NRXN3: variants seen among roughly 807,000 people sequenced by gnomAD.
NRXN3 encodes the protein neurexin 3.
In NRXN3, 32 loss-of-function variants were observed where a neutral mutation model predicts 137.6. That is an observed-to-expected ratio of 0.23 (90% CI 0.18 to 0.31). The LOEUF is 0.31. Among genes scored for constraint, NRXN3 ranks in the 10% least tolerant of loss-of-function variants. The pLI is 1.00. For synonymous variants in NRXN3, 798 were observed against 784.5 expected (o/e 1.02, Z -0.29); for missense variants, 1,574 against 2,062.5 (o/e 0.76, Z 4.59).
intron 17 of NRXN3, among the ~76,000 whole-genome samples, chr14:79,666,265 G>A (rs980112041): frequency 2.0e-5 from 3 of 152,036 alleles, no homozygotes; most frequent in Non-Finnish European, 4.4e-5. Flanking sequence ...TCTTCTCCCT[G>A]AGACTGTTTC....
intron 1 of NRXN3, among the ~76,000 whole-genome samples, chr14:78,176,378 GT>G (rs35762018): frequency 0.31 from 43,940 of 140,006 alleles, 6,625 homozygotes; most frequent in Middle Eastern, 0.41. Flanking sequence ...TCTCTTCCAA[GT>G]TTTTTTTTTT....
intron 10 of NRXN3, among the ~76,000 whole-genome samples, chr14:78,843,400 A>G (rs1409367672): frequency 1.3e-5 from 2 of 152,130 alleles, no homozygotes; most frequent in East Asian, 3.9e-4. Context: ...AGGCTTAATG[A>G]CTTTGGCTCC....
intron 15 of NRXN3, among the ~76,000 whole-genome samples, chr14:79,299,959 T>G (rs1259669874): frequency 6.6e-6 from 1 of 152,116 alleles, no homozygotes; most frequent in Non-Finnish European, 1.5e-5. Flanking sequence ...TAAGACATTG[T>G]GCAGTATATT....
chr14:78,640,638 G>A (rs1244351904), intron 4 of NRXN3, among the ~76,000 whole-genome samples: 2 of 152,288 alleles, frequency 1.3e-5, no homozygotes, highest in Non-Finnish European at 2.9e-5. Context: ...TTAATACTAA[G>A]TATATATCAG....
chr14:79,215,618 A>T (rs1298475132), intron 15 of NRXN3, among the ~76,000 whole-genome samples: 1 of 152,168 alleles, frequency 6.6e-6, no homozygotes, highest in Non-Finnish European at 1.5e-5. Context: ...AGATCTCATG[A>T]GACTTATTCA....
At chr14:78,470,497 C>T (rs2095240632) in intron 4 of NRXN3, among the ~76,000 whole-genome samples, 1 of 151,806 alleles carries the variant, frequency 6.6e-6, no homozygotes, top group South Asian at 2.1e-4. Flanking sequence ...ATACACCTTT[C>T]CTTAAAGAGT....
At chr14:78,600,597 G>A (rs978711965) in intron 4 of NRXN3, among the ~76,000 whole-genome samples, 2 of 152,082 alleles carry the variant, frequency 1.3e-5, no homozygotes, top group African/African-American at 4.8e-5. Flanking sequence ...GCTCCTGAAG[G>A]TTCTGTCCTT....
At chr14:78,387,107 T>A (rs1447413782) in intron 4 of NRXN3, among the ~76,000 whole-genome samples, 1 of 152,086 alleles carries the variant, frequency 6.6e-6, no homozygotes, top group Non-Finnish European at 1.5e-5. Context: ...TTTGAGGTTA[T>A]CTGCAATGCT....
intron 8 of NRXN3, among the ~76,000 whole-genome samples, chr14:78,717,031 TG>T (rs1166744130): frequency 1.3e-5 from 2 of 152,200 alleles, no homozygotes; most frequent in African/African-American, 4.8e-5. Context: ...AGGTCATTTT[TG>T]TCTCTGAGAT....
At chr14:79,340,790 A>G (rs1270084802) in intron 15 of NRXN3, among the ~76,000 whole-genome samples, 1 of 152,144 alleles carries the variant, frequency 6.6e-6, no homozygotes, top group Non-Finnish European at 1.5e-5. Flanking sequence ...TTTAAAGTAC[A>G]GCCCTTAGTG....
chr14:79,076,022 T>C (rs1391329792), intron 15 of NRXN3, among the ~76,000 whole-genome samples: 2 of 152,086 alleles, frequency 1.3e-5, no homozygotes, highest in Non-Finnish European at 2.9e-5. Flanking sequence ...TCCTGCAACT[T>C]TGTGGTAAAT....
At chr14:79,754,044 G>C (rs543467923) in intron 19 of NRXN3, among the ~76,000 whole-genome samples, 1 of 152,072 alleles carries the variant, frequency 6.6e-6, no homozygotes, top group Non-Finnish European at 1.5e-5. Flanking sequence ...ACACAGGCAT[G>C]GGGGCAGTGG....
chr14:78,595,405 A>T (rs2097150572), intron 4 of NRXN3, among the ~76,000 whole-genome samples: 1 of 152,138 alleles, frequency 6.6e-6, no homozygotes. Flanking sequence ...CACTCGTGGG[A>T]GTAAGGTCGC....
intron 15 of NRXN3, among the ~76,000 whole-genome samples, chr14:79,276,709 T>TAAAAAAAAAAAAAAAAAAA (rs757712972): frequency 8.2e-6 from 1 of 122,028 alleles, no homozygotes; most frequent in Non-Finnish European, 1.8e-5. Context: ...CAATGCCAAT[T>TAAAAAAAAAAAAAAAAAAA]AAAAAAAAAA....
At chr14:79,482,119 G>T (rs2096614929) in intron 16 of NRXN3, among the ~76,000 whole-genome samples, 1 of 152,144 alleles carries the variant, frequency 6.6e-6, no homozygotes, top group South Asian at 2.1e-4. Flanking sequence ...CATAATTCAG[G>T]TGTCTCTCAT....
Position 79,762,653 on chromosome 14 carries a change from A to G in NRXN3, c.4015-42459A>G, listed in dbSNP as rs919666161. On this transcript the variant is annotated intron_variant, in intron 19 of 20. Coordinates refer to ENST00000335750, the MANE Select transcript of NRXN3 (RefSeq NM_001330195.2). Reference sequence around the variant, plus strand: ...TTGTTTGTGAAAGGAAGATCTAATAATAGAACTGGCCTTATAGAATTGTTG... The same window carrying G: ...TTGTTTGTGAAAGGAAGATCTAATAGTAGAACTGGCCTTATAGAATTGTTG... Among the ~76,000 whole-genome samples the G allele has an allele frequency of 1.1e-4, 17 of 151,664 alleles. 1 individual carries two copies. The highest frequency in any genetic ancestry group is 1.8e-4 in the Non-Finnish European group (12 of 68,034).
At chr14:78,798,917 G>A (rs1435743722) in intron 8 of NRXN3, among the ~76,000 whole-genome samples, 1 of 152,206 alleles carries the variant, frequency 6.6e-6, no homozygotes, top group African/African-American at 2.4e-5. Context: ...AAGTCCCTAG[G>A]CTGCACACAG....
intron 19 of NRXN3, among the ~76,000 whole-genome samples, chr14:79,714,076 T>C (rs1184277340): frequency 2.0e-5 from 3 of 152,120 alleles, no homozygotes; most frequent in Admixed American, 6.5e-5. Flanking sequence ...GTAGAAGCTG[T>C]AGAAAAAGAA....
chr14:79,182,191 A>T lies in NRXN3; in HGVS notation c.3262+194050A>T, dbSNP rs969051059. On this transcript the variant is annotated intron_variant, in intron 15 of 20. Transcript: ENST00000335750. ...CGATATTCTAAGTCAGCAGTCCCCA[A>T]CCTTTTGGCACCAGGGACCAGTTTC... Among the ~76,000 whole-genome samples the T allele has an allele frequency of 2.0e-5, 3 of 151,862 alleles. No individual in the cohort carries two copies. In the South Asian group the frequency reaches 6.3e-4, roughly 32 times the overall value.
Sources: gnomAD v4.1 joint callset for allele counts (sites outside exome capture counted in the v4.1 genomes callset) on GRCh38, gnomAD v4.1.1 for gene constraint, MANE v1.5 for transcripts, NCBI Gene and HGNC (gene_info 2026-07-23, HGNC 2026-07-21) for gene names.